Variants in CEP70 observed in about 807,000 individuals in gnomAD.
CEP70 encodes centrosomal protein of 70 kDa.
CEP70 carries 70 observed loss-of-function variants against 90.9 expected under a neutral mutation model. The ratio of observed to expected loss-of-function variants is 0.77; its 90% CI spans 0.64 to 0.94. CEP70 has a LOEUF of 0.94. Among genes scored for constraint, CEP70 ranks in the 40% least tolerant of loss-of-function variants. The pLI is 0.00. For synonymous variants in CEP70, 220 were observed against 228.3 expected, an observed-to-expected ratio of 0.96 and a Z score of 0.33; for missense variants, 648 against 669.0, an observed-to-expected ratio of 0.97 and a Z score of 0.35.
intron 11 of CEP70, among the ~76,000 whole-genome samples, chr3:138,513,684 C>T (rs2035739534): frequency 6.6e-6 from 1 of 152,178 alleles, no homozygotes; most frequent in Non-Finnish European, 1.5e-5. Context: ...ACTCATTGGC[C>T]TAACCACTTC....
intron 11 of CEP70, among the ~76,000 whole-genome samples, chr3:138,514,484 T>A: frequency 6.6e-6 from 1 of 152,254 alleles, no homozygotes; most frequent in South Asian, 2.1e-4. Context: ...TAAAGAGAAT[T>A]CACTGGATTG....
intron 11 of CEP70, among the ~76,000 whole-genome samples, chr3:138,511,560 A>G (rs1232704249): frequency 6.6e-6 from 1 of 152,210 alleles, no homozygotes; most frequent in East Asian, 1.9e-4. Context: ...GATATACAAC[A>G]TTTTTACTGT....
At chr3:138,551,756 AAAT>A (rs796739873) in intron 6 of CEP70, among the ~76,000 whole-genome samples, 35 of 137,430 alleles carry the variant, frequency 2.5e-4, no homozygotes, top group African/African-American at 8.2e-4. Context: ...AAAAAAAAAA[AAAT>A]AAAATAAAAC....
intron 5 of CEP70, 62 bp downstream of exon 5, chr3:138,570,972 C>T: frequency 7.5e-7 from 1 of 1,324,902 alleles, no homozygotes; most frequent in Non-Finnish European, 1.0e-6. Flanking sequence ...AGATTTTTTT[C>T]AAGGCAGTTA....
intron 16 of CEP70, chr3:138,499,783 T>TACACAC (rs56826450): frequency 0.031 from 6,038 of 192,996 alleles, 302 homozygotes; most frequent in African/African-American, 0.12. Flanking sequence ...TCTCTCTCTC[T>TACACAC]ACACACACAC....
intron 7 of CEP70, among the ~76,000 whole-genome samples, chr3:138,535,185 T>C (rs986655326): frequency 1.2e-4 from 18 of 152,248 alleles, no homozygotes; most frequent in African/African-American, 3.1e-4. Context: ...TCTTGGACTC[T>C]TGACGTCCCA....
In CEP70 at chr3:138,508,884, C is replaced by T. The variant is rs150416562; in HGVS notation, c.945-340G>A. Among the ~76,000 whole-genome samples, 1,072 of 152,096 alleles carry T rather than the reference C, an allele frequency of 7.0e-3. 12 individuals carry two copies. Among genetic ancestry groups the T allele is most frequent in the African/African-American group, 0.025 (1,026 of 41,476 alleles). The stretch of plus-strand genomic sequence containing the variant: ...GAGTAGCTGGGACTACAGGCGCCCG[C>T]CACCATGCCTGGCTAATTTTTTATA... On this transcript the variant is annotated intron_variant, in intron 11 of 17. Transcript: ENST00000264982.
chr3:138,499,169 G>C lies in CEP70; in HGVS notation c.1652+941C>G, dbSNP rs150300956. ...AGCACCAAGTGTCAGATTATGTAAG[G>C]GTTCTTCTAGGAAAACTTGCAAAAC... On this transcript the variant is annotated intron_variant, in intron 16 of 17. Transcript: ENST00000264982. 2.5e-3 allele frequency among the ~76,000 whole-genome samples: 376 copies of C among 152,242 alleles called. 2 individuals are homozygous for C. The highest frequency in any genetic ancestry group is 8.7e-3 in the African/African-American group (362 of 41,526).
chr3:138,517,498 C>G (rs1423010214), intron 11 of CEP70, among the ~76,000 whole-genome samples: 2 of 152,078 alleles, frequency 1.3e-5, no homozygotes, highest in Non-Finnish European at 2.9e-5. Context: ...AACCCCGTCT[C>G]TACTAAAAAT....
At chr3:138,496,417 A>C in intron 17 of CEP70, 1 of 985,412 alleles carries the variant, frequency 1.0e-6, no homozygotes, top group Non-Finnish European at 1.2e-6. Context: ...TACAACAGAG[A>C]ATTTGTTTAC....
chr3:138,508,358 T>A, intron 12 of CEP70, 81 bp downstream of exon 12: 1 of 880,566 alleles, frequency 1.1e-6, no homozygotes, highest in Non-Finnish European at 1.9e-6. Context: ...CCTTACCAAC[T>A]GATAATTTAT....
At chr3:138,514,468 C>G (rs186526610) in intron 11 of CEP70, among the ~76,000 whole-genome samples, 1 of 151,766 alleles carries the variant, frequency 6.6e-6, no homozygotes. Flanking sequence ...TTTTTTCCTA[C>G]GTTTGTAAAG....
intron 2 of CEP70, among the ~76,000 whole-genome samples, chr3:138,580,089 T>C (rs899882431): frequency 4.6e-5 from 7 of 152,106 alleles, no homozygotes; most frequent in Non-Finnish European, 8.8e-5. Context: ...CCCATGGGTC[T>C]GTGGTGGCGG....
intron 6 of CEP70, among the ~76,000 whole-genome samples, chr3:138,561,765 C>G (rs2040423464): frequency 6.6e-6 from 1 of 152,002 alleles, no homozygotes. Flanking sequence ...GTGGCTCACC[C>G]CTGTAATCCC....
At chr3:138,561,678 G>A (rs866072172) in intron 6 of CEP70, among the ~76,000 whole-genome samples, 19 of 152,042 alleles carry the variant, frequency 1.2e-4, no homozygotes, top group African/African-American at 4.3e-4. Flanking sequence ...TAGAATAACC[G>A]GTTTAGAGAA....
intron 6 of CEP70, among the ~76,000 whole-genome samples, chr3:138,563,862 G>A (rs1489510921): frequency 6.6e-6 from 1 of 152,054 alleles, no homozygotes. Flanking sequence ...AGAAATGAAG[G>A]AGCTAGAGAC....
chr3:138,535,921 GTTT>G (rs968245179), intron 7 of CEP70, among the ~76,000 whole-genome samples: 1 of 151,096 alleles, frequency 6.6e-6, no homozygotes, highest in Non-Finnish European at 1.5e-5. Context: ...ACATTTTTAT[GTTT>G]TTTTATGTGT....
In CEP70 at chr3:138,571,167, A is replaced by T; in HGVS notation, c.161-10T>A. 6.3e-7 allele frequency: 1 copy of T among 1,574,880 alleles called. No individual in the cohort carries two copies. The highest frequency in any genetic ancestry group is 1.4e-5 in the African/African-American group (1 of 72,826). ...TCAAAAATGATGAGATCTACATTTA[A>T]AAAGTATATAATACAGATAGTAAAA... On this transcript the variant is annotated splice_polypyrimidine_tract_variant and intron_variant, in intron 4 of 17. Transcript: ENST00000264982.
chr3:138,521,572 C>T (rs1444859606), intron 11 of CEP70, among the ~76,000 whole-genome samples: 12 of 151,508 alleles, frequency 7.9e-5, no homozygotes, highest in South Asian at 2.1e-4. Flanking sequence ...TCTGCCCGGC[C>T]GCCCTGTCTG....
Sources: allele counts gnomAD v4.1 joint callset (sites outside exome capture counted in the v4.1 genomes callset), GRCh38; gene constraint gnomAD v4.1.1; transcripts MANE v1.5; gene names NCBI Gene and HGNC (gene_info 2026-07-23, HGNC 2026-07-21).